Variants in PACRG observed in about 807,000 individuals in gnomAD.
PACRG encodes the protein parkin coregulated gene protein.
Under a neutral mutation model 29.7 loss-of-function variants are expected in PACRG, and 29 were observed. The ratio of observed to expected loss-of-function variants is 0.98; its 90% CI spans 0.73 to 1.33. PACRG has a LOEUF of 1.33. PACRG is among the 40% of genes most tolerant of loss of function. PACRG has a pLI of 0.00. For synonymous variants in PACRG, 116 were observed against 118.7 expected (o/e 0.98, Z 0.15); for missense variants, 279 against 316.2 (o/e 0.88, Z 0.89).
At chr6:163,256,436 A>G (rs892066797) in intron 4 of PACRG, among the ~76,000 whole-genome samples, 5 of 152,232 alleles carry the variant, frequency 3.3e-5, no homozygotes, top group Admixed American at 2.6e-4. Context: ...CATCTATCAC[A>G]TGGTGATCAA....
intron 1 of PACRG, among the ~76,000 whole-genome samples, chr6:162,757,420 A>G (rs1234826918): frequency 1.3e-5 from 2 of 152,124 alleles, no homozygotes; most frequent in African/African-American, 2.4e-5. Context: ...GGAGGCTGAC[A>G]TGGGTGGATC....
chr6:162,923,871 T>C (rs1008369160), intron 2 of PACRG, among the ~76,000 whole-genome samples: 2 of 152,052 alleles, frequency 1.3e-5, no homozygotes, highest in Admixed American at 1.3e-4. Context: ...GGGGACTTTT[T>C]TGGTTCCATA....
intron 2 of PACRG, among the ~76,000 whole-genome samples, chr6:162,866,639 A>G (rs1417878706): frequency 1.3e-5 from 2 of 152,216 alleles, no homozygotes; most frequent in Non-Finnish European, 2.9e-5. Flanking sequence ...TCTAAACTAG[A>G]ATGCTGATTT....
Position 163,072,288 on chromosome 6 carries a change from G to A in PACRG, c.463+9967G>A, listed in dbSNP as rs79205257. ...TATCCCAGGGATGCAAGGATGTTAC[G>A]ATATATGCAAAGCAATCAATGTTAT... On this transcript the variant is annotated intron_variant, in intron 3 of 4. Transcript: ENST00000366888. Among the ~76,000 whole-genome samples the A allele has an allele frequency of 1.2e-3, 179 of 151,604 alleles. 3 individuals are homozygous for A. The East Asian group carries it at 0.017, about 14-fold the overall frequency.
chr6:163,059,349 T>C (rs1248805392), intron 2 of PACRG, among the ~76,000 whole-genome samples: 1 of 152,112 alleles, frequency 6.6e-6, no homozygotes, highest in Non-Finnish European at 1.5e-5. Flanking sequence ...TGAAGGCACA[T>C]TATAAAAGAA....
At chr6:162,989,462 C>A (rs1485338828) in intron 2 of PACRG, among the ~76,000 whole-genome samples, 3 of 152,126 alleles carry the variant, frequency 2.0e-5, no homozygotes, top group African/African-American at 7.2e-5. Flanking sequence ...CATGAAATGA[C>A]ATAGTATTTG....
At chr6:163,236,384 C>G (rs1423789846) in intron 4 of PACRG, among the ~76,000 whole-genome samples, 3 of 152,158 alleles carry the variant, frequency 2.0e-5, no homozygotes, top group Non-Finnish European at 4.4e-5. Flanking sequence ...CTTCTTTCCC[C>G]CTTTGGAAAT....
chr6:163,289,590 G>C (rs1315535090), intron 4 of PACRG, among the ~76,000 whole-genome samples: 1 of 152,122 alleles, frequency 6.6e-6, no homozygotes, highest in Admixed American at 6.5e-5. Context: ...TCTATTAATA[G>C]CTGCAGTCTA....
At chr6:163,002,161 A>C (rs1338866552) in intron 2 of PACRG, among the ~76,000 whole-genome samples, 1 of 152,236 alleles carries the variant, frequency 6.6e-6, no homozygotes. Context: ...TCTCATTAAA[A>C]TGTTACTTAG....
intron 4 of PACRG, among the ~76,000 whole-genome samples, chr6:163,142,801 C>T (rs1426607814): frequency 6.6e-6 from 1 of 152,158 alleles, no homozygotes; most frequent in African/African-American, 2.4e-5. Context: ...GTGATATTCT[C>T]TCCATAAAAC....
intron 2 of PACRG, among the ~76,000 whole-genome samples, chr6:162,827,474 T>C (rs892140000): frequency 1.3e-5 from 2 of 152,216 alleles, no homozygotes; most frequent in Non-Finnish European, 2.9e-5. Context: ...AGTAATATTT[T>C]GTCTGGCCAA....
rs553279091 is a variant in PACRG at position 162,946,763 on chromosome 6, A to G, written c.292-115387A>G. Among the ~76,000 whole-genome samples, 8 of 152,296 alleles carry G rather than the reference A, an allele frequency of 5.3e-5. No individual in the cohort carries two copies. In the South Asian group the frequency reaches 1.7e-3, roughly 32 times the overall value. On this transcript the variant is annotated intron_variant, in intron 2 of 4. Coordinates refer to ENST00000366888, the MANE Select transcript of PACRG (RefSeq NM_001080379.2). Reference sequence around the variant, plus strand: ...AGCAAACCAAATTCAACTGCATATCAAAAAGATAATATACCATATCAAGTG... The same window carrying G: ...AGCAAACCAAATTCAACTGCATATCGAAAAGATAATATACCATATCAAGTG...
At chr6:163,193,789 G>A (rs1187516173) in intron 4 of PACRG, among the ~76,000 whole-genome samples, 2 of 151,798 alleles carry the variant, frequency 1.3e-5, no homozygotes, top group Non-Finnish European at 2.9e-5. Context: ...AAATAAAAAT[G>A]TATTTTAAAT....
At chr6:163,249,989 A>G (rs1782840080) in intron 4 of PACRG, among the ~76,000 whole-genome samples, 1 of 152,158 alleles carries the variant, frequency 6.6e-6, no homozygotes, top group Admixed American at 6.5e-5. Context: ...ACCGCAGGGA[A>G]TGTCCATGGC....
In PACRG at chr6:163,314,919, G is replaced by C. The variant is rs775007947; in HGVS notation, c.706G>C (p.Gly236Arg). ...QETLEAFERY[G>R]GENAFINIKY... is the part of the protein sequence containing the mutation. Reference sequence around the variant, plus strand: ...GACACTGGAGGCCTTCGAGCGCTACGGAGGAGAAAATGCCTTTATCAACAT... The same window carrying C: ...GACACTGGAGGCCTTCGAGCGCTACCGAGGAGAAAATGCCTTTATCAACAT... The change falls in exon 5 of 5, where the codon GGA becomes CGA. Residue 236 changes from glycine (G) to arginine (R), a missense_variant. Gly to Arg is a moderately radical substitution (Grantham distance 125). Coordinates refer to ENST00000366888, the MANE Select transcript of PACRG (RefSeq NM_001080379.2). The C allele has an allele frequency of 3.1e-6, 5 of 1,614,070 alleles. No individual in the cohort carries two copies. Among genetic ancestry groups the C allele is most frequent in the Non-Finnish European group, 4.2e-6 (5 of 1,180,036 alleles).
chr6:163,250,145 G>C (rs1036933296), intron 4 of PACRG, among the ~76,000 whole-genome samples: 4 of 152,144 alleles, frequency 2.6e-5, no homozygotes, highest in African/African-American at 9.7e-5. Context: ...TTTTGTAAAT[G>C]GTAGCTAATG....
intron 4 of PACRG, among the ~76,000 whole-genome samples, chr6:163,244,699 C>G (rs2128169718): frequency 6.6e-6 from 1 of 152,266 alleles, no homozygotes; most frequent in African/African-American, 2.4e-5. Context: ...CGTCTGTCCT[C>G]CGAAGGCACC....
chr6:162,860,313 T>C (rs1791759214), intron 2 of PACRG, among the ~76,000 whole-genome samples: 1 of 152,146 alleles, frequency 6.6e-6, no homozygotes, highest in Non-Finnish European at 1.5e-5. Context: ...AAAGGCCTCT[T>C]CTAGTAGTTT....
chr6:162,836,548 C>A (rs1789241528), intron 2 of PACRG, among the ~76,000 whole-genome samples: 1 of 152,142 alleles, frequency 6.6e-6, no homozygotes, highest in Non-Finnish European at 1.5e-5. Context: ...CTTTCTGCTA[C>A]TCAAAAGTAC....
Sources: allele counts gnomAD v4.1 joint callset (sites outside exome capture counted in the v4.1 genomes callset), GRCh38; gene constraint gnomAD v4.1.1; transcripts MANE v1.5; gene names NCBI Gene and HGNC (gene_info 2026-07-23, HGNC 2026-07-21).